Variants in VTI1A observed in about 807,000 individuals in gnomAD.
VTI1A encodes vesicle transport through interaction with t-SNAREs 1A.
A neutral mutation model predicts 34.9 loss-of-function variants in VTI1A; 22 were observed. The observed-to-expected ratio is 0.63, with a 90% CI of 0.45 to 0.90. The LOEUF (loss-of-function observed/expected upper bound fraction) is 0.90, where lower values mean the gene tolerates loss of function less well. VTI1A is among the 40% of genes least tolerant of loss of function. VTI1A has a pLI of 0.00. For synonymous variants in VTI1A, 87 were observed against 97.3 expected (o/e 0.89, Z 0.62); for missense variants, 268 against 275.6 (o/e 0.97, Z 0.20).
chr10:112,573,969 G>A (rs890840506), intron 5 of VTI1A, among the ~76,000 whole-genome samples: 1 of 152,128 alleles, frequency 6.6e-6, no homozygotes, highest in Non-Finnish European at 1.5e-5. Context: ...AAAGTACATT[G>A]TTAAAAGGTT....
At chr10:112,447,096 C>T, upstream of VTI1A, 1 of 459,430 alleles carries the variant, frequency 2.2e-6, no homozygotes, top group Non-Finnish European at 4.0e-6. Context: ...TTTTCATACG[C>T]TTTTCTGGGG....
At chr10:112,680,735 A>T (rs2133858672) in intron 7 of VTI1A, among the ~76,000 whole-genome samples, 1 of 152,338 alleles carries the variant, frequency 6.6e-6, no homozygotes, top group East Asian at 1.9e-4. Context: ...AGGAAGAAGA[A>T]ATTCCTGGGG....
At chr10:112,650,611 G>A (rs950489431) in intron 5 of VTI1A, among the ~76,000 whole-genome samples, 2 of 151,992 alleles carry the variant, frequency 1.3e-5, no homozygotes, top group East Asian at 1.9e-4. Flanking sequence ...TGTATGACTC[G>A]CAGTGCAGTA....
rs115662278 is a variant in VTI1A, at chr10:112,766,493, C to T, written c.561-48797C>T. On this transcript the variant is annotated intron_variant, in intron 7 of 7. Coordinates refer to ENST00000393077, the MANE Select transcript of VTI1A (RefSeq NM_145206.4). ...GTATCTGATTCTTACCTGCTGGTTG[C>T]TCCAGACAACCTCACTTGAAGAGGA... is the stretch of plus-strand genomic sequence containing the variant. Among the ~76,000 whole-genome samples, 1,055 of 152,294 alleles carry T rather than the reference C, an allele frequency of 6.9e-3. 16 individuals are homozygous for T. Among genetic ancestry groups the T allele is most frequent in the African/African-American group, 0.024 (1,010 of 41,562 alleles).
chr10:112,756,089 GAGA>G (rs1851273868), intron 7 of VTI1A, among the ~76,000 whole-genome samples: 1 of 152,114 alleles, frequency 6.6e-6, no homozygotes, highest in East Asian at 1.9e-4. Context: ...GGAGGAGAGG[GAGA>G]AAGAGCTGAA....
intron 5 of VTI1A, among the ~76,000 whole-genome samples, chr10:112,561,144 C>T (rs1436574821): frequency 6.6e-6 from 1 of 152,134 alleles, no homozygotes; most frequent in Non-Finnish European, 1.5e-5. Flanking sequence ...ATACTCTACT[C>T]AAGTCAGTTT....
chr10:112,498,432 C>T (rs374711917), intron 3 of VTI1A, among the ~76,000 whole-genome samples: 1 of 152,098 alleles, frequency 6.6e-6, no homozygotes, highest in South Asian at 2.1e-4. Flanking sequence ...ATTCCAAACA[C>T]ATGGTAAACT....
chr10:112,513,942 T>A (rs562252993), intron 3 of VTI1A, among the ~76,000 whole-genome samples: 1 of 152,068 alleles, frequency 6.6e-6, no homozygotes, highest in East Asian at 1.9e-4. Flanking sequence ...TTGCTTATAT[T>A]TTTATTAGAG....
At chr10:112,686,588 G>C (rs1848424399) in intron 7 of VTI1A, among the ~76,000 whole-genome samples, 1 of 152,170 alleles carries the variant, frequency 6.6e-6, no homozygotes, top group Non-Finnish European at 1.5e-5. Flanking sequence ...CGACGTGCTA[G>C]TTTCTTTAGA....
intron 5 of VTI1A, among the ~76,000 whole-genome samples, chr10:112,604,599 C>G: frequency 6.6e-6 from 1 of 152,202 alleles, no homozygotes; most frequent in East Asian, 1.9e-4. Context: ...TCCACACAAC[C>G]AGATGTATCT....
At chr10:112,701,744 G>C (rs779231195) in intron 7 of VTI1A, among the ~76,000 whole-genome samples, 3 of 152,160 alleles carry the variant, frequency 2.0e-5, no homozygotes, top group Non-Finnish European at 4.4e-5. Flanking sequence ...GGGAATGTTG[G>C]TATTTGATCT....
intron 7 of VTI1A, among the ~76,000 whole-genome samples, chr10:112,761,860 C>T (rs75029461): frequency 2.6e-5 from 4 of 151,710 alleles, no homozygotes; most frequent in South Asian, 4.2e-4. Flanking sequence ...TATCTATACA[C>T]GTAGCAATCT....
chr10:112,815,472 A>C lies in VTI1A; in HGVS notation c.*89A>C. 1 of 1,203,482 alleles carries C rather than the reference A, an allele frequency of 8.3e-7. No individual in the cohort carries two copies. Among genetic ancestry groups the C allele is most frequent in the Non-Finnish European group, 1.2e-6 (1 of 815,752 alleles). The allele number at this position is 1,203,482 out of a possible 1,614,324, so 74.6% of individuals were successfully genotyped here. On this transcript the variant is annotated 3_prime_UTR_variant, in exon 8 of 8. Coordinates refer to ENST00000393077, the MANE Select transcript of VTI1A (RefSeq NM_145206.4). ...TCACATGAATCATTCTGTTGCGCTG[A>C]CAGGCCCCAGGTGACCCTCTCTCTC...
At chr10:112,480,509 CAT>C (rs1283411004) in intron 3 of VTI1A, among the ~76,000 whole-genome samples, 2 of 152,078 alleles carry the variant, frequency 1.3e-5, no homozygotes, top group South Asian at 2.1e-4. Context: ...TCATTCAACC[CAT>C]ATGTGTGTGT....
intron 3 of VTI1A, among the ~76,000 whole-genome samples, chr10:112,503,752 G>T (rs1055550778): frequency 6.6e-6 from 1 of 152,054 alleles, no homozygotes; most frequent in Admixed American, 6.6e-5. Context: ...TGCTATCTAC[G>T]TGAAATAGTG....
intron 3 of VTI1A, among the ~76,000 whole-genome samples, chr10:112,500,157 C>T (rs1208489344): frequency 1.3e-5 from 2 of 152,154 alleles, no homozygotes; most frequent in African/African-American, 4.8e-5. Context: ...GTTGCCAAGG[C>T]CGGGTGTGGT....
At chr10:112,558,624 G>A (rs973053302) in intron 5 of VTI1A, among the ~76,000 whole-genome samples, 38 of 152,184 alleles carry the variant, frequency 2.5e-4, no homozygotes, top group African/African-American at 8.9e-4. Flanking sequence ...TGCAGCTTTG[G>A]CTAGTAAAAG....
intron 7 of VTI1A, among the ~76,000 whole-genome samples, chr10:112,763,108 A>C (rs535524656): frequency 2.6e-5 from 4 of 152,080 alleles, no homozygotes; most frequent in Non-Finnish European, 4.4e-5. Flanking sequence ...ATAACTGAGC[A>C]TGTGGCCTCT....
At chr10:112,801,729 T>C (rs1356527099) in intron 7 of VTI1A, among the ~76,000 whole-genome samples, 1 of 152,190 alleles carries the variant, frequency 6.6e-6, no homozygotes, top group Non-Finnish European at 1.5e-5. Flanking sequence ...TGTCTCATAC[T>C]CTTTGGTGAG....
Sources: allele counts gnomAD v4.1 joint callset (sites outside exome capture counted in the v4.1 genomes callset), GRCh38; gene constraint gnomAD v4.1.1; transcripts MANE v1.5; gene names NCBI Gene and HGNC (gene_info 2026-07-23, HGNC 2026-07-21).